Variants in EIF4E2 observed in about 807,000 individuals in gnomAD.
EIF4E2 encodes eukaryotic translation initiation factor 4E type 2.
A neutral mutation model predicts 34.2 loss-of-function variants in EIF4E2; 13 were observed. That is an observed-to-expected ratio of 0.38 (90% CI 0.25 to 0.60). The LOEUF (loss-of-function observed/expected upper bound fraction) is 0.60, where lower values mean the gene tolerates loss of function less well. Ranked by LOEUF, EIF4E2 falls within the 20% of genes least tolerant of loss-of-function variation. EIF4E2 has a pLI of 0.62. For synonymous variants in EIF4E2, 100 were observed against 106.6 expected (o/e 0.94, Z 0.38); for missense variants, 222 against 315.1 (o/e 0.70, Z 2.24).
chr2:232,570,978 C>G (rs1208406427), downstream of EIF4E2, among the ~76,000 whole-genome samples: 1 of 152,176 alleles, frequency 6.6e-6, no homozygotes, highest in Non-Finnish European at 1.5e-5. Context: ...GAAGAAGGAG[C>G]CAACATTTGT....
chr2:232,567,338 T>TC, intron 6 of EIF4E2, 124 bp downstream of exon 6: 1 of 1,511,716 alleles, frequency 6.6e-7, no homozygotes, highest in Non-Finnish European at 8.8e-7. Flanking sequence ...GACCAGGCCT[T>TC]CCCTCTAGGG....
chr2:232,582,472 C>G (rs1693383040), exon 7 of EIF4E2: 1 of 152,074 alleles, frequency 6.6e-6, no homozygotes, highest in Admixed American at 6.6e-5. Flanking sequence ...CAAGTTAGAT[C>G]AGATAAGAAG....
chr2:232,580,870 G>C (rs1312658920), intron 6 of EIF4E2: 3 of 1,532,464 alleles, frequency 2.0e-6, no homozygotes, highest in Non-Finnish European at 1.8e-6. Context: ...TCCTTGTATT[G>C]AACACTCTAT....
intron 4 of EIF4E2, 135 bp downstream of exon 4, chr2:232,564,486 C>G (rs1729255): frequency 0.24 from 128,906 of 536,922 alleles, 17,273 homozygotes; most frequent in Admixed American, 0.33. Flanking sequence ...GAGTGTCGCT[C>G]TGTCACCCAG....
At chr2:232,561,158 G>A (rs1310656907) in intron 3 of EIF4E2, among the ~76,000 whole-genome samples, 1 of 152,070 alleles carries the variant, frequency 6.6e-6, no homozygotes, top group East Asian at 1.9e-4. Flanking sequence ...ATTTGGCCAG[G>A]CCTGGTAGCT....
chr2:232,551,740 T>C (rs1692339252), intron 1 of EIF4E2, among the ~76,000 whole-genome samples: 1 of 152,200 alleles, frequency 6.6e-6, no homozygotes, highest in Admixed American at 6.5e-5. Context: ...GTGGAATTAC[T>C]ATTAGTTTAG....
intron 6 of EIF4E2, among the ~76,000 whole-genome samples, chr2:232,576,657 A>G (rs1299553689): frequency 1.3e-5 from 2 of 152,226 alleles, no homozygotes; most frequent in Non-Finnish European, 2.9e-5. Flanking sequence ...CACAGCAACA[A>G]CAAAAAATCC....
At chr2:232,568,420 T>C in intron 6 of EIF4E2, 1 of 985,406 alleles carries the variant, frequency 1.0e-6, no homozygotes, top group Non-Finnish European at 1.2e-6. Context: ...TTGCTTGCCT[T>C]AGCAGTCCTG....
chr2:232,574,078 T>C (rs1275526208), downstream of EIF4E2: 2 of 724,276 alleles, frequency 2.8e-6, no homozygotes, highest in Non-Finnish European at 5.1e-6. Flanking sequence ...CCTGAAAGGG[T>C]AGGCTGCTCT....
At chr2:232,561,215 C>G (rs1219816769) in intron 3 of EIF4E2, among the ~76,000 whole-genome samples, 1 of 152,096 alleles carries the variant, frequency 6.6e-6, no homozygotes, top group African/African-American at 2.4e-5. Context: ...GGGAGGATCG[C>G]TTGAAGCCAG....
intron 6 of EIF4E2, among the ~76,000 whole-genome samples, chr2:232,577,971 A>G (rs1016930488): frequency 3.9e-5 from 6 of 152,088 alleles, no homozygotes; most frequent in African/African-American, 1.4e-4. Flanking sequence ...TCTGCCTCCT[A>G]ATCTCTCTGC....
intron 6 of EIF4E2, among the ~76,000 whole-genome samples, chr2:232,575,834 G>A (rs10933398): frequency 0.8 from 122,278 of 152,170 alleles, 49,635 homozygotes; most frequent in African/African-American, 0.92. Context: ...ACCATATTTA[G>A]TTATTTCTAA....
intron 6 of EIF4E2, chr2:232,568,327 C>G (rs1693005890): frequency 1.0e-6 from 1 of 985,414 alleles, no homozygotes; most frequent in Middle Eastern, 5.2e-4. Context: ...AGTGGGAACA[C>G]TGCTATGGGC....
intron 6 of EIF4E2, chr2:232,567,852 G>A (rs1692989033): frequency 3.0e-6 from 3 of 985,516 alleles, no homozygotes; most frequent in Non-Finnish European, 3.6e-6. Context: ...GTGATTGAGT[G>A]TCAGAAGTAA....
intron 2 of EIF4E2, among the ~76,000 whole-genome samples, chr2:232,557,015 G>C (rs1692546230): frequency 6.6e-6 from 1 of 152,214 alleles, no homozygotes; most frequent in Non-Finnish European, 1.5e-5. Context: ...GGAAGGCCAA[G>C]GTGGGTGGAT....
chr2:232,574,320 C>G, intron 6 of EIF4E2: 1 of 1,550,544 alleles, frequency 6.4e-7, no homozygotes, highest in Admixed American at 2.0e-5. Context: ...CGGACGCTCC[C>G]CCTCTGTCTC....
intron 6 of EIF4E2, among the ~76,000 whole-genome samples, chr2:232,576,675 T>C (rs1693230014): frequency 6.6e-6 from 1 of 152,222 alleles, no homozygotes; most frequent in Non-Finnish European, 1.5e-5. Context: ...TCCACTCACT[T>C]CATTGTCTTA....
downstream of EIF4E2, among the ~76,000 whole-genome samples, chr2:232,570,818 C>G (rs560821040): frequency 2.8e-4 from 42 of 152,272 alleles, no homozygotes; most frequent in African/African-American, 9.9e-4. Flanking sequence ...TGCCTATAAT[C>G]TCAGCTGCTC....
At chr2:232,574,186 G>A, downstream of EIF4E2, 1 of 1,417,360 alleles carries the variant, frequency 7.1e-7, no homozygotes, top group Non-Finnish European at 9.8e-7. Flanking sequence ...GGGATGTGGG[G>A]TTATTGTGTC....
Sources: gnomAD v4.1 joint callset for allele counts (sites outside exome capture counted in the v4.1 genomes callset) on GRCh38, gnomAD v4.1.1 for gene constraint, MANE v1.5 for transcripts, NCBI Gene and HGNC (gene_info 2026-07-23, HGNC 2026-07-21) for gene names.